Variants in TSBP1 observed in about 807,000 individuals in gnomAD.
TSBP1 encodes the protein testis-expressed basic protein 1.
In TSBP1, 56 loss-of-function variants were observed where a neutral mutation model predicts 68.8. That is an observed-to-expected ratio of 0.81 (90% CI 0.66 to 1.02). The LOEUF (loss-of-function observed/expected upper bound fraction) is 1.02. Among genes scored for constraint, TSBP1 ranks in the 50% least tolerant of loss-of-function variants. TSBP1 has a pLI of 0.00. For missense variants in TSBP1, 502 were observed against 641.2 expected (o/e 0.78, Z 2.34); for synonymous variants, 171 against 208.7 (o/e 0.82, Z 1.56).
chr6:32,330,796 G>T (rs1768921566), intron 15 of TSBP1, among the ~76,000 whole-genome samples, 187 bp from the exon 17 acceptor site: 1 of 151,976 alleles, frequency 6.6e-6, no homozygotes, highest in African/African-American at 2.4e-5. Context: ...TCAGCCTCCT[G>T]AGTAGCAGGG....
In TSBP1 at chr6:32,365,092, A is replaced by G. The variant is rs188008292; in HGVS notation, c.217+1075T>C. On this transcript the variant is annotated intron_variant, in intron 6 of 22. Transcript: ENST00000612031. This position sits in a 1 kb window ranked among gnomAD's most constrained non-coding sequence, Gnocchi z 4.3. ...TTTTTTTTAGAGACGGAGTCTCACT[A>G]TGTTGCCCAGGCCAGTCTCGAACTC... is the stretch of plus-strand genomic sequence containing the variant. Among the ~76,000 whole-genome samples, 150 of 149,056 alleles carry G rather than the reference A, an allele frequency of 1.0e-3. 1 individual carries two copies. Among genetic ancestry groups the G allele is most frequent in the African/African-American group, 3.2e-3 (127 of 40,214 alleles).
At chr6:32,318,412 A>G (rs1562094803) in intron 18 of TSBP1, among the ~76,000 whole-genome samples, 1 of 152,218 alleles carries the variant, frequency 6.6e-6, no homozygotes. Flanking sequence ...AAGTTTACCT[A>G]TATAACAAAC....
chr6:32,310,536 C>A (rs1224430566), intron 19 of TSBP1, among the ~76,000 whole-genome samples: 2 of 151,400 alleles, frequency 1.3e-5, no homozygotes, highest in Non-Finnish European at 2.9e-5. Flanking sequence ...CTATTTTGAA[C>A]TGAGATTTCC....
In TSBP1 at chr6:32,336,031, A is replaced by C. The variant is rs1158007328; in HGVS notation, c.431-99T>G. 1 of 1,010,068 alleles carries C rather than the reference A, an allele frequency of 9.9e-7. No individual in the cohort carries two copies. The highest frequency in any genetic ancestry group is 1.5e-6 in the Non-Finnish European group (1 of 654,256). 62.6% of individuals were successfully genotyped at this position (1,010,068 alleles called of 1,614,324 possible). On this transcript the variant is annotated intron_variant, in intron 12 of 22. Coordinates refer to ENST00000612031, the Ensembl canonical transcript of TSBP1. This position sits in a 1 kb window ranked among gnomAD's most constrained non-coding sequence, Gnocchi z 5.2. ...CAACACTCGCTCTAGGGAGTATCAT[A>C]AATAGAAACAACGGGAAGATCAAGA...
intron 20 of TSBP1, among the ~76,000 whole-genome samples, 173 bp from the exon 24 acceptor site, chr6:32,300,873 A>T (rs1451827592): frequency 1.3e-5 from 2 of 152,226 alleles, no homozygotes; most frequent in Non-Finnish European, 2.9e-5. Flanking sequence ...TAGTTTACAA[A>T]GACCTTGTGA....
rs1258363611 is a variant in TSBP1 at position 32,306,622 on chromosome 6, A to G, written c.581-3993T>C. On this transcript the variant is annotated intron_variant, in intron 19 of 22. Coordinates refer to ENST00000612031, the Ensembl canonical transcript of TSBP1. This position sits in a 1 kb window ranked among gnomAD's most constrained non-coding sequence, Gnocchi z 5.1. ...CAGCACTAAAATTGTTTCCATTAGG[A>G]AGCCAGCAATGTAAAGCATATGAAC... 6.6e-6 allele frequency among the ~76,000 whole-genome samples: 1 copy of G among 152,226 alleles called. No homozygotes were observed. Among genetic ancestry groups the G allele is most frequent in the Non-Finnish European group, 1.5e-5 (1 of 68,050 alleles).
At chr6:32,298,902 T>A (rs116062485) in intron 22 of TSBP1, among the ~76,000 whole-genome samples, 7,022 of 152,330 alleles carry the variant, frequency 0.046, 366 homozygotes, top group African/African-American at 0.13. Context: ...TAGAGATAAA[T>A]CTGAATCCAG....
intron 19 of TSBP1, among the ~76,000 whole-genome samples, chr6:32,305,432 TAGAC>T (rs1332157498): frequency 6.6e-6 from 1 of 152,240 alleles, no homozygotes; most frequent in Non-Finnish European, 1.5e-5. Flanking sequence ...CACTTACACG[TAGAC>T]ATATAGCTTA....
chr6:32,350,053 T>C (rs116560252), intron 8 of TSBP1: 11,085 of 669,946 alleles, frequency 0.017, 470 homozygotes, highest in African/African-American at 0.12. Context: ...GAGGACATTT[T>C]TCTGTCCCTA....
intron 19 of TSBP1, among the ~76,000 whole-genome samples, chr6:32,307,036 G>GTTGA (rs9281730): frequency 0.21 from 31,881 of 151,648 alleles, 3,502 homozygotes; most frequent in East Asian, 0.22. Flanking sequence ...AAATTATTCT[G>GTTGA]TTATTTTTAA....
Position 32,361,169 on chromosome 6 carries a change from G to A in TSBP1, c.217+4998C>T, listed in dbSNP as rs1772981878. 6.6e-6 allele frequency among the ~76,000 whole-genome samples: 1 copy of A among 152,082 alleles called. No homozygotes were observed. ...CTTGCAATAGTTTGCTGAGAATGAT[G>A]GTTTCCAGCTTCATCCATGTCCCTA... On this transcript the variant is annotated intron_variant, in intron 6 of 22. Coordinates refer to ENST00000612031, the Ensembl canonical transcript of TSBP1. This position sits in a 1 kb window ranked among gnomAD's most constrained non-coding sequence, Gnocchi z 4.3.
chr6:32,331,897 T>A (rs1769063170), intron 15 of TSBP1, 137 bp downstream of exon 16: 1 of 706,106 alleles, frequency 1.4e-6, no homozygotes, highest in Non-Finnish European at 2.5e-6. Flanking sequence ...ACCTAACAGT[T>A]ACGATATGGG....
intron 4 of TSBP1, among the ~76,000 whole-genome samples, chr6:32,366,786 A>G (rs1037625039): frequency 6.9e-6 from 1 of 144,000 alleles, no homozygotes; most frequent in South Asian, 2.2e-4. Context: ...AAAAAAAAAA[A>G]GTTTATCATT....
chr6:32,293,159 C>T (rs753697939), exon 23 of TSBP1: 127 of 1,600,762 alleles, frequency 7.9e-5, no homozygotes, highest in Non-Finnish European at 1.3e-5. Context: ...CTCTGCATCT[C>T]TCTCCTTTTC....
At position 32,335,931 on chromosome 6, in the gene TSBP1, G is replaced by C; in HGVS notation, c.432C>G (p.Pro144=). 6.2e-7 allele frequency: 1 copy of C among 1,608,624 alleles called. No individual in the cohort carries two copies. The highest frequency in any genetic ancestry group is 1.3e-5 in the African/African-American group (1 of 74,974). The stretch of plus-strand genomic sequence containing the variant: ...ACTTACTGATAGGTCCTGTAGCTCC[G>C]GCTGTGAGAGAGAAAGAGGGAGAAA... Residue 144 remains proline (P), a splice_region_variant and synonymous_variant, in exon 13 of 23, where the codon CCC becomes CCG. Coordinates refer to ENST00000612031, the Ensembl canonical transcript of TSBP1. This position sits in a 1 kb window ranked among gnomAD's most constrained non-coding sequence, Gnocchi z 5.5.
intron 16 of TSBP1, among the ~76,000 whole-genome samples, chr6:32,329,823 A>C (rs1768712334): frequency 6.6e-6 from 1 of 152,154 alleles, no homozygotes; most frequent in Non-Finnish European, 1.5e-5. Context: ...CTTAATTTCT[A>C]GATTCAGAAT....
At chr6:32,323,563 A>G (rs1406249632) in intron 17 of TSBP1, 28 bp downstream of exon 18, 1 of 1,607,428 alleles carries the variant, frequency 6.2e-7, no homozygotes, top group Non-Finnish European at 8.5e-7. Flanking sequence ...CAACAACAGA[A>G]AAGAGTAGAA....
rs139903562 is a variant in TSBP1, at chr6:32,316,979, G to A, written c.560-1187C>T. ...TTCTGAGTCAGTGTGCCTGAGACTG[G>A]CCACTAGGAGAGGAGAGGGTTTTAA... is the stretch of plus-strand genomic sequence containing the variant. On this transcript the variant is annotated intron_variant, in intron 18 of 22. Coordinates refer to ENST00000612031, the Ensembl canonical transcript of TSBP1. This position sits in a 1 kb window ranked among gnomAD's most constrained non-coding sequence, Gnocchi z 4.5. Among the ~76,000 whole-genome samples the A allele has an allele frequency of 5.2e-4, 79 of 152,264 alleles. No homozygotes were observed. The highest frequency in any genetic ancestry group is 1.0e-3 in the Non-Finnish European group (70 of 68,018).
chr6:32,358,278 T>C (rs1183677015), intron 6 of TSBP1, among the ~76,000 whole-genome samples: 1 of 152,178 alleles, frequency 6.6e-6, no homozygotes, highest in African/African-American at 2.4e-5. Flanking sequence ...GGACTGTTAC[T>C]GGAGAGGTTT....
Sources: gnomAD v4.1 joint callset for allele counts (sites outside exome capture counted in the v4.1 genomes callset) on GRCh38, gnomAD v4.1.1 for gene constraint, Gnocchi (gnomAD v3.1) non-coding constraint, MANE v1.5 for transcripts, NCBI Gene and HGNC (gene_info 2026-07-23, HGNC 2026-07-21) for gene names.